SRD5A2: variants seen among roughly 807,000 people sequenced by gnomAD.
SRD5A2 encodes the protein steroid 5 alpha-reductase 2.
Under a neutral mutation model 27.4 loss-of-function variants are expected in SRD5A2, and 30 were observed. The observed-to-expected ratio is 1.10, with a 90% CI of 0.82 to 1.49. The LOEUF is 1.49. SRD5A2 is among the 40% of genes most tolerant of loss of function. SRD5A2 has a pLI of 0.00. For missense variants in SRD5A2, 348 were observed against 323.4 expected, an observed-to-expected ratio of 1.08 and a Z score of -0.58; for synonymous variants, 141 against 133.6, an observed-to-expected ratio of 1.06 and a Z score of -0.38.
At chr2:31,570,258 G>C (rs148851808) in intron 1 of SRD5A2, among the ~76,000 whole-genome samples, 2 of 152,160 alleles carry the variant, frequency 1.3e-5, no homozygotes, top group East Asian at 3.9e-4. Flanking sequence ...TACATAAGCA[G>C]AACTAAAAAC....
the SRD5A2 span, among the ~76,000 whole-genome samples, chr2:31,607,556 A>T: frequency 1.3e-5 from 2 of 151,922 alleles, no homozygotes; most frequent in Admixed American, 1.3e-4. Flanking sequence ...ATCATTCAGT[A>T]ATGAAGGCAA....
intron 4 of SRD5A2, among the ~76,000 whole-genome samples, chr2:31,528,599 T>C (rs1047709371): frequency 6.6e-6 from 1 of 151,950 alleles, no homozygotes; most frequent in Admixed American, 6.6e-5. Context: ...GAAACTTGTC[T>C]CTACTAAAAA....
intron 1 of SRD5A2, among the ~76,000 whole-genome samples, chr2:31,567,454 G>GTATATATATA (rs575917234): frequency 1.4e-3 from 130 of 92,046 alleles, no homozygotes; most frequent in African/African-American, 3.7e-3. Flanking sequence ...GTGTGTGTGT[G>GTATATATATA]TGTATATATA....
intron 1 of SRD5A2, among the ~76,000 whole-genome samples, chr2:31,556,947 T>C (rs1666507476): frequency 6.6e-6 from 1 of 152,194 alleles, no homozygotes; most frequent in African/African-American, 2.4e-5. Flanking sequence ...TTGCCCATAT[T>C]AACTCATTTA....
chr2:31,620,111 A>G, the SRD5A2 span, among the ~76,000 whole-genome samples: 1 of 151,930 alleles, frequency 6.6e-6, no homozygotes, highest in African/African-American at 2.4e-5. Context: ...GAGATGCAGA[A>G]AAGGCTTTTG....
At chr2:31,537,005 G>T (rs1666040742) in intron 1 of SRD5A2, among the ~76,000 whole-genome samples, 1 of 152,168 alleles carries the variant, frequency 6.6e-6, no homozygotes, top group Admixed American at 6.5e-5. Flanking sequence ...TCATTGGAAA[G>T]GGTTAACTGA....
the SRD5A2 span, among the ~76,000 whole-genome samples, chr2:31,648,302 T>C: frequency 9.5e-4 from 145 of 152,362 alleles, 1 homozygote; most frequent in Non-Finnish European, 1.9e-3. Flanking sequence ...TTTAGTGCTG[T>C]TTTCCATTTG....
chr2:31,651,234 A>C, the SRD5A2 span: 1 of 152,212 alleles, frequency 6.6e-6, no homozygotes, highest in African/African-American at 2.4e-5. Flanking sequence ...AGTGAGATGC[A>C]CAAAGACCAT....
intron 1 of SRD5A2, among the ~76,000 whole-genome samples, chr2:31,562,824 T>A (rs1438392666): frequency 2.6e-5 from 4 of 152,120 alleles, no homozygotes; most frequent in African/African-American, 4.8e-5. Flanking sequence ...CTGAATTAAA[T>A]TTTTAAAACA....
At chr2:31,656,832 T>C in the SRD5A2 span, among the ~76,000 whole-genome samples, 6 of 152,218 alleles carry the variant, frequency 3.9e-5, no homozygotes, top group Non-Finnish European at 8.8e-5. Flanking sequence ...ATTGATAGTA[T>C]GTACCCCTCA....
intron 1 of SRD5A2, among the ~76,000 whole-genome samples, chr2:31,562,789 T>C (rs184169916): frequency 6.6e-6 from 1 of 152,226 alleles, no homozygotes; most frequent in Non-Finnish European, 1.5e-5. Context: ...AATATACCCA[T>C]GTAACAAACC....
At chr2:31,539,396 T>C (rs752334840) in intron 1 of SRD5A2, among the ~76,000 whole-genome samples, 5 of 152,206 alleles carry the variant, frequency 3.3e-5, no homozygotes, top group Non-Finnish European at 7.3e-5. Context: ...ATATAGTTGC[T>C]TTGTTATAAC....
At chr2:31,637,376 A>C in the SRD5A2 span, among the ~76,000 whole-genome samples, 3 of 152,018 alleles carry the variant, frequency 2.0e-5, no homozygotes, top group African/African-American at 7.2e-5. Flanking sequence ...GCTGAACAAA[A>C]CAGGTTGTAG....
intron 1 of SRD5A2, among the ~76,000 whole-genome samples, chr2:31,555,798 AC>A (rs1004297250): frequency 9.2e-5 from 14 of 152,260 alleles, no homozygotes; most frequent in African/African-American, 3.4e-4. Context: ...TAAGCATCAG[AC>A]TTTTCCAAAT....
the SRD5A2 span, among the ~76,000 whole-genome samples, chr2:31,592,740 C>T: frequency 1.3e-5 from 2 of 152,196 alleles, no homozygotes; most frequent in African/African-American, 4.8e-5. Context: ...ACATAGTCTA[C>T]TTAAATCAGA....
the SRD5A2 span, among the ~76,000 whole-genome samples, chr2:31,599,708 G>T: frequency 5.9e-5 from 9 of 151,350 alleles, no homozygotes; most frequent in Non-Finnish European, 1.3e-4. Flanking sequence ...TCAAAACAGA[G>T]GAAAAACTTC....
At chr2:31,581,892 T>C (rs1443896855), upstream of SRD5A2, among the ~76,000 whole-genome samples, 1 of 152,200 alleles carries the variant, frequency 6.6e-6, no homozygotes, top group African/African-American at 2.4e-5. Flanking sequence ...TCTCTTCCGT[T>C]TCCCACCTTT....
intron 1 of SRD5A2, among the ~76,000 whole-genome samples, chr2:31,577,393 G>A (rs1240425251): frequency 3.9e-5 from 6 of 151,994 alleles, no homozygotes; most frequent in Non-Finnish European, 5.9e-5. Flanking sequence ...CTGTCTGTAC[G>A]GTTGTTGTAA....
At chr2:31,583,640 C>CAAAAAAAAAA (rs1246469141), upstream of SRD5A2, among the ~76,000 whole-genome samples, 1 of 18,408 alleles carries the variant, frequency 5.4e-5, no homozygotes, top group African/African-American at 1.8e-4. Flanking sequence ...AAAAAAAAAG[C>CAAAAAAAAAA]AAAAAAAAAA....
Sources: allele counts gnomAD v4.1 joint callset (sites outside exome capture counted in the v4.1 genomes callset), GRCh38; gene constraint gnomAD v4.1.1; transcripts MANE v1.5; gene names NCBI Gene and HGNC (gene_info 2026-07-23, HGNC 2026-07-21).